Variants in VSTM5 observed in about 807,000 individuals in gnomAD.
VSTM5 encodes V-set and transmembrane domain containing 5, also known as V-set and transmembrane domain-containing protein 5.
VSTM5 carries 21 observed loss-of-function variants against 20.3 expected under a neutral mutation model. That is an observed-to-expected ratio of 1.03 (90% confidence interval 0.73 to 1.49). The LOEUF (loss-of-function observed/expected upper bound fraction) is 1.49, where lower values mean the gene tolerates loss of function less well. Ranked by LOEUF, VSTM5 falls within the 40% of genes most tolerant of loss-of-function variation. The pLI is 0.00. For synonymous variants in VSTM5, 100 were observed against 102.5 expected, an observed-to-expected ratio of 0.98 and a Z score of 0.14; for missense variants, 219 against 250.0, an observed-to-expected ratio of 0.88 and a Z score of 0.84.
In VSTM5 at chr11:93,820,307, C is replaced by G. The variant is rs907242446; in HGVS notation, c.*262G>C. 2.0e-6 allele frequency: 1 copy of G among 497,266 alleles called. No individual in the cohort carries two copies. The highest frequency in any genetic ancestry group is 1.9e-5 in the African/African-American group (1 of 51,438). 30.8% of individuals were successfully genotyped at this position (497,266 alleles called of 1,614,324 possible). On this transcript the variant is annotated 3_prime_UTR_variant, in exon 4 of 4. Transcript: ENST00000409977. ...CTCACCCATTGGTTATGTGTCAGCA[C>G]GGCCCTGATGCTGCAGCCAAGCGAA...
intron 1 of VSTM5, among the ~76,000 whole-genome samples, chr11:93,833,818 C>T (rs539043364): frequency 6.6e-6 from 1 of 152,244 alleles, no homozygotes; most frequent in South Asian, 2.1e-4. Flanking sequence ...CTCCAGCATA[C>T]CCGTGGACAG....
At chr11:93,825,767 C>A (rs1381953225) in intron 1 of VSTM5, among the ~76,000 whole-genome samples, 1 of 131,678 alleles carries the variant, frequency 7.6e-6, no homozygotes, top group Non-Finnish European at 1.7e-5. Flanking sequence ...TTTCTTTTTT[C>A]TTTTTTTGTT....
intron 1 of VSTM5, among the ~76,000 whole-genome samples, chr11:93,831,221 G>T (rs1274903413): frequency 1.3e-5 from 2 of 151,932 alleles, no homozygotes; most frequent in East Asian, 3.9e-4. Context: ...TAGAGACAGG[G>T]TTTCACCATG....
intron 3 of VSTM5, 57 bp from the exon 4 acceptor site, chr11:93,820,669 G>A (rs776408400): frequency 4.1e-5 from 63 of 1,551,360 alleles, no homozygotes; most frequent in African/African-American, 2.7e-4. Context: ...TGCTTTCTTC[G>A]TGAGAACAAG....
chr11:93,825,208 C>T (rs1387894863), intron 1 of VSTM5, among the ~76,000 whole-genome samples: 8 of 152,174 alleles, frequency 5.3e-5, no homozygotes, highest in African/African-American at 1.9e-4. Context: ...CCCTCTGCCA[C>T]CTAGGCTGGA....
chr11:93,836,605 C>T (rs1944325103), intron 1 of VSTM5, among the ~76,000 whole-genome samples: 2 of 152,218 alleles, frequency 1.3e-5, no homozygotes, highest in Admixed American at 6.5e-5. Context: ...TCTCAATCAT[C>T]GCCTCTTCTG....
chr11:93,834,782 C>CAA (rs59156403), intron 1 of VSTM5, among the ~76,000 whole-genome samples: 12,178 of 58,776 alleles, frequency 0.21, 989 homozygotes, highest in African/African-American at 0.29. Context: ...GACTCCGTCT[C>CAA]AAAAAAAAAA....
intron 1 of VSTM5, among the ~76,000 whole-genome samples, chr11:93,844,554 T>C (rs2135739982): frequency 6.6e-6 from 1 of 152,250 alleles, no homozygotes; most frequent in Admixed American, 6.5e-5. Flanking sequence ...TTAGACTGCA[T>C]ACAAGGAAAT....
intron 1 of VSTM5, among the ~76,000 whole-genome samples, chr11:93,829,808 G>C (rs1420577292): frequency 6.6e-6 from 1 of 152,190 alleles, no homozygotes; most frequent in Non-Finnish European, 1.5e-5. Context: ...GCTGGGGACA[G>C]GCTCATCGGG....
chr11:93,835,027 C>T (rs1944312942), intron 1 of VSTM5, among the ~76,000 whole-genome samples: 1 of 152,264 alleles, frequency 6.6e-6, no homozygotes, highest in East Asian at 1.9e-4. Context: ...CCACACTATG[C>T]CCTCTGCTGA....
At chr11:93,849,454 GC>G (rs1944440566) in intron 1 of VSTM5, among the ~76,000 whole-genome samples, 1 of 152,216 alleles carries the variant, frequency 6.6e-6, no homozygotes, top group African/African-American at 2.4e-5. Flanking sequence ...CCTGCGATTG[GC>G]TTATAACATT....
chr11:93,827,787 G>C (rs1944251109), intron 1 of VSTM5: 1 of 151,018 alleles, frequency 6.6e-6, no homozygotes, highest in Non-Finnish European at 1.5e-5. Flanking sequence ...GCTTTGTATG[G>C]GCAAGGAAAG....
intron 1 of VSTM5, among the ~76,000 whole-genome samples, chr11:93,833,843 T>C (rs1246042871): frequency 1.3e-5 from 2 of 152,062 alleles, no homozygotes; most frequent in Non-Finnish European, 2.9e-5. Context: ...TCCAGTGATC[T>C]CATCTACAGG....
rs533729495 is a variant in VSTM5, at chr11:93,824,689, C to T, written c.92-3366G>A. Among the ~76,000 whole-genome samples the T allele has an allele frequency of 9.8e-5, 15 of 152,288 alleles. No homozygotes were observed. In the South Asian group the frequency reaches 2.1e-3, roughly 21 times the overall value. On this transcript the variant is annotated intron_variant, in intron 1 of 3. Transcript: ENST00000409977. ...TTAGTTTGATGTTGTCCCACTTACT[C>T]ATTTTTGGTTTTGTTGCCTGTGTTT... is the stretch of plus-strand genomic sequence containing the variant.
At chr11:93,840,410 ATC>A in intron 1 of VSTM5, among the ~76,000 whole-genome samples, 1 of 152,324 alleles carries the variant, frequency 6.6e-6, no homozygotes, top group East Asian at 1.9e-4. Flanking sequence ...CACTGAGCTA[ATC>A]CACACTGAGG....
At chr11:93,822,387 C>CT (rs1190369934) in intron 1 of VSTM5, among the ~76,000 whole-genome samples, 1,551 of 147,924 alleles carry the variant, frequency 0.01, 33 homozygotes, top group East Asian at 0.06. Context: ...CAGCCATCTC[C>CT]TTTTTTTTTT....
chr11:93,845,636 C>T (rs998241972), intron 1 of VSTM5, among the ~76,000 whole-genome samples: 20 of 152,168 alleles, frequency 1.3e-4, no homozygotes, highest in Non-Finnish European at 2.9e-4. Context: ...GCCCATTTTC[C>T]AGGGAAAATC....
intron 1 of VSTM5, among the ~76,000 whole-genome samples, chr11:93,829,746 C>T (rs1944266965): frequency 6.6e-6 from 1 of 152,136 alleles, no homozygotes; most frequent in Non-Finnish European, 1.5e-5. Context: ...TCAGTTGGGA[C>T]CTCACTCTTG....
chr11:93,829,120 G>T (rs1268937970), intron 1 of VSTM5, among the ~76,000 whole-genome samples: 1 of 152,184 alleles, frequency 6.6e-6, no homozygotes, highest in African/African-American at 2.4e-5. Flanking sequence ...TCTCTGATCA[G>T]GTCTCTGTCA....
Sources: allele counts gnomAD v4.1 joint callset (sites outside exome capture counted in the v4.1 genomes callset), GRCh38; gene constraint gnomAD v4.1.1; transcripts MANE v1.5; gene names NCBI Gene and HGNC (gene_info 2026-07-23, HGNC 2026-07-21).